The following USH2A variants were observed in gnomAD, a reference collection of about 807,000 sequenced individuals.
USH2A encodes the protein usherin, also known as Usher syndrome 2A (autosomal recessive, mild).
Under a neutral mutation model 538.9 loss-of-function variants are expected in USH2A, and 443 were observed. That is an observed-to-expected ratio of 0.82 (90% CI 0.76 to 0.89). USH2A has a LOEUF of 0.89. USH2A is among the 40% of genes least tolerant of loss of function. USH2A has a pLI of 0.00. For synonymous variants in USH2A, 2,413 were observed against 2,273.5 expected (o/e 1.06, Z -1.75); for missense variants, 6,633 against 6,324.8 (o/e 1.05, Z -1.65).
rs1290938328 is a variant in USH2A at position 215,743,400 on chromosome 1, G to GTATATA, written c.11390-66_11390-65insTATATA. The GTATATA allele has an allele frequency of 5.4e-3, 2,342 of 437,718 alleles. 155 individuals carry two copies. The highest frequency in any genetic ancestry group is 6.6e-3 in the Non-Finnish European group (1,839 of 280,692). 27.1% of individuals were successfully genotyped at this position (437,718 alleles called of 1,614,324 possible). A position where few individuals can be genotyped will look rare whatever the true frequency, so the allele number is the denominator to read the frequency against. Reference sequence around the variant, plus strand: ...TATATATATATATGTGTGTGTGTGTGTGTGTGTGTGTGTGTGTATATATAT... The same window carrying GTATATA: ...TATATATATATATGTGTGTGTGTGTGTATATATGTGTGTGTGTGTGTGTATATATAT... On this transcript the variant is annotated intron_variant, in intron 58 of 71. Transcript: ENST00000307340.
At chr1:215,676,452 A>T (rs543102383) in intron 62 of USH2A, among the ~76,000 whole-genome samples, 10 of 152,262 alleles carry the variant, frequency 6.6e-5, no homozygotes, top group South Asian at 2.1e-4. Flanking sequence ...CCTGAGAGAG[A>T]TGACACACTC....
intron 4 of USH2A, among the ~76,000 whole-genome samples, chr1:216,327,986 C>G (rs913184941): frequency 6.6e-6 from 1 of 152,102 alleles, no homozygotes; most frequent in Non-Finnish European, 1.5e-5. Context: ...ATTATCTCAT[C>G]AGCCCTAAAT....
At chr1:215,669,050 G>C (rs1417102390) in intron 64 of USH2A, among the ~76,000 whole-genome samples, 3 of 151,982 alleles carry the variant, frequency 2.0e-5, no homozygotes, top group Non-Finnish European at 4.4e-5. Flanking sequence ...CTCGAACAAA[G>C]AAACAAACAA....
At chr1:215,834,769 CT>C (rs560404237) in intron 47 of USH2A, among the ~76,000 whole-genome samples, 486 of 143,122 alleles carry the variant, frequency 3.4e-3, no homozygotes, top group Non-Finnish European at 4.2e-3. Context: ...ACTTTCTTGT[CT>C]TTTTTTTTTT....
intron 43 of USH2A, 68 bp from the exon 44 acceptor site, chr1:215,867,238 CT>C (rs978186512): frequency 6.5e-7 from 1 of 1,528,960 alleles, no homozygotes; most frequent in African/African-American, 1.4e-5. Context: ...CAAATAATTT[CT>C]TTTTTTCTTC....
At chr1:216,333,741 A>T (rs777549166) in intron 4 of USH2A, among the ~76,000 whole-genome samples, 20 of 152,080 alleles carry the variant, frequency 1.3e-4, no homozygotes, top group Non-Finnish European at 2.4e-4. Context: ...CCTACATGGG[A>T]TCTTCAATAA....
intron 3 of USH2A, among the ~76,000 whole-genome samples, chr1:216,413,084 G>A (rs1209487961): frequency 6.6e-6 from 1 of 151,774 alleles, no homozygotes; most frequent in Non-Finnish European, 1.5e-5. Context: ...AATTTATTTT[G>A]AATAACCCAA....
intron 22 of USH2A, among the ~76,000 whole-genome samples, chr1:216,092,988 C>A (rs2032340989): frequency 6.6e-6 from 1 of 151,052 alleles, no homozygotes; most frequent in South Asian, 2.1e-4. Flanking sequence ...TTTTTTGAGA[C>A]AAGGTCTCAC....
chr1:215,686,135 CA>C (rs1243455767), intron 61 of USH2A, among the ~76,000 whole-genome samples: 2 of 151,954 alleles, frequency 1.3e-5, no homozygotes, highest in African/African-American at 4.8e-5. Context: ...ATCTTTTATG[CA>C]AAAGACTCTA....
At chr1:216,146,567 C>A (rs952565678) in intron 21 of USH2A, among the ~76,000 whole-genome samples, 1 of 152,094 alleles carries the variant, frequency 6.6e-6, no homozygotes, top group African/African-American at 2.4e-5. Context: ...TCACCCTTAG[C>A]GGCAAGTCCC....
chr1:215,749,842 C>T lies in USH2A; in HGVS notation c.11390-6507G>A, dbSNP rs1301396086. Among the ~76,000 whole-genome samples, 5 of 152,126 alleles carry T rather than the reference C, an allele frequency of 3.3e-5. No individual in the cohort carries two copies. The East Asian group carries it at 7.7e-4, about 23-fold the overall frequency. On this transcript the variant is annotated intron_variant, in intron 58 of 71. Transcript: ENST00000307340. ...CTTGTTCACTAAAGAACAAGGATTT[C>T]GTTGGTTAATATTCCTTGCAATGCT...
intron 56 of USH2A, among the ~76,000 whole-genome samples, chr1:215,763,984 G>A (rs943444942): frequency 6.6e-6 from 1 of 152,168 alleles, no homozygotes; most frequent in Admixed American, 6.5e-5. Flanking sequence ...GTAGGTGGTA[G>A]TATTTGAGAG....
At chr1:215,844,919 T>A (rs1663798366) in intron 45 of USH2A, among the ~76,000 whole-genome samples, 1 of 152,200 alleles carries the variant, frequency 6.6e-6, no homozygotes. Context: ...TGGTGGAACG[T>A]GAAAAATCAT....
At chr1:215,938,575 G>C (rs1053026812) in intron 37 of USH2A, among the ~76,000 whole-genome samples, 1 of 152,140 alleles carries the variant, frequency 6.6e-6, no homozygotes, top group Admixed American at 6.6e-5. Flanking sequence ...AAAGTGATAA[G>C]TGTGTCCTAT....
At chr1:215,738,457 A>G (rs1201667186) in intron 60 of USH2A, among the ~76,000 whole-genome samples, 1 of 152,082 alleles carries the variant, frequency 6.6e-6, no homozygotes, top group Non-Finnish European at 1.5e-5. Flanking sequence ...TTACTAGGTT[A>G]TTTTGTTTCG....
chr1:216,188,864 C>T (rs1289164015), intron 20 of USH2A, among the ~76,000 whole-genome samples: 3 of 151,922 alleles, frequency 2.0e-5, no homozygotes, highest in Non-Finnish European at 2.9e-5. Flanking sequence ...TACTATAACA[C>T]ACCCAGTCTT....
rs140947512 is a variant in USH2A, at chr1:216,227,822, G to C, written c.2993+4131C>G. Among the ~76,000 whole-genome samples the C allele has an allele frequency of 3.0e-3, 462 of 152,204 alleles. 4 individuals are homozygous for C. Among genetic ancestry groups the C allele is most frequent in the African/African-American group, 0.011 (446 of 41,528 alleles). ...TTTAAAGGGGGAAAGAAAGTAAATT[G>C]ATAAGAAGTACATACATGGTAGTGC... On this transcript the variant is annotated intron_variant, in intron 14 of 71. Transcript: ENST00000307340.
intron 35 of USH2A, among the ~76,000 whole-genome samples, chr1:215,976,210 C>T (rs780554313): frequency 3.9e-4 from 59 of 152,244 alleles, no homozygotes; most frequent in Middle Eastern, 3.4e-3. Flanking sequence ...CAGGAACTTT[C>T]TGGTGGAATC....
rs1315856630 is a variant in USH2A at position 215,888,686 on chromosome 1, C to T, written c.7963G>A (p.Glu2655Lys). 3 of 1,614,174 alleles carry T rather than the reference C, an allele frequency of 1.9e-6. No homozygotes were observed. The South Asian group carries it at 3.3e-5, about 18-fold the overall frequency. The stretch of plus-strand genomic sequence containing the variant: ...ACTCTTCTCTCAATTGTGAAATTCT[C>T]CACCAAGCCATTGGGGTGGGTAGGG... ...QPPTHPNGLV[E>K]NFTIERRVKG... The change falls in exon 41 of 72, where the codon GAG (glutamate) becomes AAG (lysine). Residue 2655 changes from glutamate (E) to lysine (K), a missense_variant. Physicochemically the swap from Glu to Lys is moderately conservative, Grantham distance 56. Transcript: ENST00000307340.
Sources: allele counts gnomAD v4.1 joint callset (sites outside exome capture counted in the v4.1 genomes callset), GRCh38; gene constraint gnomAD v4.1.1; transcripts MANE v1.5; gene names NCBI Gene and HGNC (gene_info 2026-07-23, HGNC 2026-07-21).